The following CDKAL1 variants were observed in gnomAD, a reference collection of about 807,000 sequenced individuals.
The protein encoded by CDKAL1 is threonylcarbamoyladenosine tRNA methylthiotransferase.
In CDKAL1, 32 loss-of-function variants were observed where a neutral mutation model predicts 68.2. That is an observed-to-expected ratio of 0.47 (90% CI 0.35 to 0.63). The LOEUF is 0.63. CDKAL1 is among the 30% of genes least tolerant of loss of function. CDKAL1 has a pLI of 0.00. For missense variants in CDKAL1, 606 were observed against 696.7 expected (o/e 0.87, Z 1.47); for synonymous variants, 234 against 244.3 (o/e 0.96, Z 0.39).
At chr6:21,174,044 A>G (rs1202959545) in intron 13 of CDKAL1, among the ~76,000 whole-genome samples, 3 of 152,176 alleles carry the variant, frequency 2.0e-5, no homozygotes, top group Non-Finnish European at 4.4e-5. Context: ...TCTGCACCCC[A>G]GTGTGAGTGA....
chr6:20,650,958 C>T (rs973466373), intron 5 of CDKAL1, among the ~76,000 whole-genome samples: 1 of 152,064 alleles, frequency 6.6e-6, no homozygotes, highest in Admixed American at 6.6e-5. Context: ...TTACTGTAGC[C>T]TTGTAGTATA....
chr6:20,784,608 A>G (rs1323370468), intron 8 of CDKAL1, among the ~76,000 whole-genome samples: 1 of 150,966 alleles, frequency 6.6e-6, no homozygotes, highest in Non-Finnish European at 1.5e-5. Flanking sequence ...TATTTTTAGT[A>G]AAGACGGGGT....
intron 9 of CDKAL1, among the ~76,000 whole-genome samples, chr6:20,946,692 G>T (rs937758619): frequency 5.3e-5 from 8 of 151,554 alleles, no homozygotes; most frequent in Non-Finnish European, 8.8e-5. Flanking sequence ...CCACCTCCCG[G>T]GTTCAAGTGA....
intron 4 of CDKAL1, among the ~76,000 whole-genome samples, chr6:20,609,363 T>C (rs1426211869): frequency 7.9e-6 from 1 of 126,726 alleles, no homozygotes; most frequent in African/African-American, 3.2e-5. Context: ...TCCTCCCTTC[T>C]TCTCCTTCTC....
chr6:21,096,069 G>T (rs971842482), intron 12 of CDKAL1, among the ~76,000 whole-genome samples: 3 of 152,174 alleles, frequency 2.0e-5, no homozygotes, highest in Non-Finnish European at 4.4e-5. Context: ...AACCTACATT[G>T]TCATGTCTGA....
intron 4 of CDKAL1, among the ~76,000 whole-genome samples, chr6:20,632,731 G>A (rs974856481): frequency 6.6e-6 from 1 of 152,118 alleles, no homozygotes; most frequent in African/African-American, 2.4e-5. Flanking sequence ...AATAATAATA[G>A]CATAGTCTCT....
At chr6:20,609,181 C>T (rs575741825) in intron 4 of CDKAL1, among the ~76,000 whole-genome samples, 2 of 152,044 alleles carry the variant, frequency 1.3e-5, no homozygotes, top group Non-Finnish European at 1.5e-5. Flanking sequence ...ATGTATTTTT[C>T]GATTTCCACC....
At chr6:20,979,938 A>C (rs1415406162) in intron 10 of CDKAL1, among the ~76,000 whole-genome samples, 2 of 151,404 alleles carry the variant, frequency 1.3e-5, no homozygotes, top group African/African-American at 4.9e-5. Context: ...CACCTGGCTA[A>C]TTTTTGTATT....
intron 15 of CDKAL1, among the ~76,000 whole-genome samples, chr6:21,226,831 G>A (rs1289758655): frequency 6.6e-6 from 1 of 152,208 alleles, no homozygotes; most frequent in Non-Finnish European, 1.5e-5. Context: ...TCCTGCCTCA[G>A]CCTCCCGAGT....
At chr6:20,911,860 G>A (rs954816326) in intron 9 of CDKAL1, among the ~76,000 whole-genome samples, 5 of 152,264 alleles carry the variant, frequency 3.3e-5, no homozygotes, top group South Asian at 2.1e-4. Context: ...TGCTTCATGC[G>A]CTGGAAAGGA....
At chr6:20,683,969 T>C (rs1176867600) in intron 5 of CDKAL1, among the ~76,000 whole-genome samples, 2 of 152,232 alleles carry the variant, frequency 1.3e-5, no homozygotes, top group African/African-American at 4.8e-5. Context: ...ATTTGTAGCT[T>C]TTTTGGATGG....
At chr6:21,058,900 G>T (rs1354652280) in intron 11 of CDKAL1, among the ~76,000 whole-genome samples, 2 of 152,226 alleles carry the variant, frequency 1.3e-5, no homozygotes, top group Non-Finnish European at 2.9e-5. Context: ...CACAGGATCG[G>T]AGACCTGCTT....
chr6:20,874,466 G>A (rs1038636494), intron 9 of CDKAL1, among the ~76,000 whole-genome samples: 4 of 151,654 alleles, frequency 2.6e-5, no homozygotes, highest in Admixed American at 2.0e-4. Flanking sequence ...ACCACGCCTG[G>A]CTAATTTTTT....
intron 9 of CDKAL1, among the ~76,000 whole-genome samples, chr6:20,926,405 TAAA>T (rs958396260): frequency 2.6e-5 from 4 of 151,964 alleles, no homozygotes; most frequent in Non-Finnish European, 5.9e-5. Context: ...TGAAAATGGT[TAAA>T]AAAAGAGACT....
At chr6:20,596,221 C>T (rs1003037720) in intron 4 of CDKAL1, among the ~76,000 whole-genome samples, 21 of 152,286 alleles carry the variant, frequency 1.4e-4, no homozygotes, top group South Asian at 4.1e-4. Context: ...TCTTCAGAGC[C>T]GGCAGGCAGG....
Position 21,173,121 on chromosome 6 carries a change from A to G in CDKAL1, c.1300-24900A>G, listed in dbSNP as rs554691239. 5.3e-5 allele frequency among the ~76,000 whole-genome samples: 8 copies of G among 150,730 alleles called. No individual in the cohort carries two copies. The South Asian group carries it at 1.3e-3, about 24-fold the overall frequency. Reference sequence around the variant, plus strand: ...GAGGTTTTTCCTCCTTCACCTCCCCACAACACCCTTCTTTCCTCCTGCATC... The same window carrying G: ...GAGGTTTTTCCTCCTTCACCTCCCCGCAACACCCTTCTTTCCTCCTGCATC... On this transcript the variant is annotated intron_variant, in intron 13 of 15. Transcript: ENST00000274695.
chr6:21,029,543 C>T (rs1274208641), intron 11 of CDKAL1, among the ~76,000 whole-genome samples: 2 of 152,122 alleles, frequency 1.3e-5, no homozygotes, highest in Non-Finnish European at 1.5e-5. Context: ...AGTGAATAGG[C>T]AACCTGCAGA....
intron 13 of CDKAL1, among the ~76,000 whole-genome samples, chr6:21,134,594 G>A (rs191100643): frequency 2.0e-5 from 3 of 152,062 alleles, no homozygotes; most frequent in Non-Finnish European, 4.4e-5. Flanking sequence ...CATAATCCAC[G>A]CTGTAACAGT....
intron 10 of CDKAL1, among the ~76,000 whole-genome samples, chr6:20,991,564 A>C (rs1766802970): frequency 6.6e-6 from 1 of 151,800 alleles, no homozygotes; most frequent in Non-Finnish European, 1.5e-5. Context: ...AAAATTAGCC[A>C]GGCATGGTGG....
Sources: gnomAD v4.1 joint callset for allele counts (sites outside exome capture counted in the v4.1 genomes callset) on GRCh38, gnomAD v4.1.1 for gene constraint, MANE v1.5 for transcripts, NCBI Gene and HGNC (gene_info 2026-07-23, HGNC 2026-07-21) for gene names.